ELL: variants seen among roughly 807,000 people sequenced by gnomAD.
The protein encoded by ELL is RNA polymerase II elongation factor ELL.
In ELL, 18 loss-of-function variants were observed where a neutral mutation model predicts 64.0. That is an observed-to-expected ratio of 0.28 (90% CI 0.19 to 0.42). The LOEUF (loss-of-function observed/expected upper bound fraction) is 0.42. ELL is among the 10% of genes least tolerant of loss of function. The pLI is 1.00. For missense variants in ELL, 797 were observed against 870.4 expected, an observed-to-expected ratio of 0.92 and a Z score of 1.06; for synonymous variants, 399 against 376.2, an observed-to-expected ratio of 1.06 and a Z score of -0.70.
chr19:18,497,165 A>C (rs991328939), intron 1 of ELL, among the ~76,000 whole-genome samples: 3 of 152,258 alleles, frequency 2.0e-5, no homozygotes, highest in Non-Finnish European at 4.4e-5. Context: ...TGGATAAATA[A>C]ACCATGTCAC....
chr19:18,513,725 A>T (rs902445860), intron 1 of ELL, among the ~76,000 whole-genome samples: 1 of 152,054 alleles, frequency 6.6e-6, no homozygotes, highest in Non-Finnish European at 1.5e-5. Flanking sequence ...AGGTCAGGAG[A>T]TGGAGACCAT....
In ELL at chr19:18,519,105, G is replaced by A. The variant is rs57233808; in HGVS notation, c.135+2816C>T. On this transcript the variant is annotated intron_variant, in intron 1 of 11. Transcript: ENST00000262809. ...AGGCCGGGCACGGTTGGTCACGCCTGTAATCCCAGCACTTTGGGAGGCCGA... is the reference window on the plus strand; with the variant it reads ...AGGCCGGGCACGGTTGGTCACGCCTATAATCCCAGCACTTTGGGAGGCCGA... 2.6e-5 allele frequency among the ~76,000 whole-genome samples: 4 copies of A among 151,696 alleles called. No homozygotes were observed. The East Asian group carries it at 7.8e-4, about 30-fold the overall frequency.
At position 18,451,535 on chromosome 19, in the gene ELL, A is replaced by C. The variant is rs62122441; in HGVS notation, c.966+17T>G. The C allele has an allele frequency of 0.069, 101,602 of 1,472,582 alleles. 3,942 individuals carry two copies. Among genetic ancestry groups the C allele is most frequent in the Middle Eastern group, 0.13 (688 of 5,318 alleles). The allele number at this position is 1,472,582 out of a possible 1,614,324, so 91.2% of individuals were successfully genotyped here. Reference sequence around the variant, plus strand: ...TGCAGGTGCTTGGGACAGTCACCCCAGGCATGCCTCACTTACCTGTGGGGG... The same window carrying C: ...TGCAGGTGCTTGGGACAGTCACCCCCGGCATGCCTCACTTACCTGTGGGGG... On this transcript the variant is annotated intron_variant, in intron 7 of 11. Transcript: ENST00000262809.
intron 1 of ELL, among the ~76,000 whole-genome samples, 195 bp downstream of exon 1, chr19:18,521,726 C>A (rs904085485): frequency 6.6e-6 from 1 of 152,100 alleles, no homozygotes. Context: ...GTATTGCCTC[C>A]TAGTGCTGAG....
At chr19:18,499,066 A>G (rs1480822068) in intron 1 of ELL, among the ~76,000 whole-genome samples, 2 of 152,170 alleles carry the variant, frequency 1.3e-5, no homozygotes, top group Non-Finnish European at 2.9e-5. Context: ...CCAGGATGCC[A>G]GGAGGGAAGC....
intron 1 of ELL, among the ~76,000 whole-genome samples, chr19:18,514,903 G>C (rs529303515): frequency 6.6e-6 from 1 of 152,234 alleles, no homozygotes; most frequent in Non-Finnish European, 1.5e-5. Context: ...CAGCTGCTTC[G>C]AGCCCAGGGC....
chr19:18,470,362 G>A (rs1190260711), intron 2 of ELL, among the ~76,000 whole-genome samples: 1 of 152,242 alleles, frequency 6.6e-6, no homozygotes. Context: ...TGCTCAGGTT[G>A]GGGTAGAGGG....
intron 1 of ELL, among the ~76,000 whole-genome samples, chr19:18,509,593 G>GCGCGCGCGCA (rs1438642062): frequency 3.6e-5 from 3 of 83,238 alleles, no homozygotes; most frequent in Non-Finnish European, 5.8e-5. Context: ...GCGCGCGCGC[G>GCGCGCGCGCA]CACATACACA....
chr19:18,519,774 T>A (rs1324404963), intron 1 of ELL, among the ~76,000 whole-genome samples: 2 of 134,004 alleles, frequency 1.5e-5, no homozygotes, highest in Non-Finnish European at 3.0e-5. Flanking sequence ...GCCACCTCAA[T>A]GAAGCCTGGG....
chr19:18,465,269 G>A (rs970764649), intron 4 of ELL, 143 bp downstream of exon 4: 22 of 1,215,396 alleles, frequency 1.8e-5, no homozygotes, highest in East Asian at 5.5e-5. Flanking sequence ...GTCCAGGCAC[G>A]TCCTGCTCAG....
chr19:18,457,889 G>C (rs1291202236), intron 6 of ELL, among the ~76,000 whole-genome samples: 5 of 152,226 alleles, frequency 3.3e-5, no homozygotes, highest in African/African-American at 1.2e-4. Flanking sequence ...GTGGAGGGAA[G>C]CATGAAGGGA....
At chr19:18,493,073 C>G (rs973222481) in intron 1 of ELL, among the ~76,000 whole-genome samples, 3 of 152,062 alleles carry the variant, frequency 2.0e-5, no homozygotes, top group African/African-American at 7.2e-5. Context: ...CAGTGACAAG[C>G]AGAGGGAAGA....
intron 6 of ELL, among the ~76,000 whole-genome samples, chr19:18,454,365 G>A (rs1974608246): frequency 6.6e-6 from 1 of 152,172 alleles, no homozygotes; most frequent in Non-Finnish European, 1.5e-5. Flanking sequence ...CGGGCATGGT[G>A]GCGGGCGCCT....
At chr19:18,471,381 A>T (rs184707618) in intron 2 of ELL, 1 of 449,788 alleles carries the variant, frequency 2.2e-6, no homozygotes, top group East Asian at 7.2e-5. Context: ...CTTAAAAAAC[A>T]AAACAAGGCT....
intron 1 of ELL, among the ~76,000 whole-genome samples, chr19:18,494,714 A>T (rs1975610940): frequency 1.3e-5 from 2 of 151,202 alleles, no homozygotes; most frequent in Admixed American, 1.3e-4. Flanking sequence ...TCTGATTCCC[A>T]CTCTCTGCCC....
intron 1 of ELL, among the ~76,000 whole-genome samples, chr19:18,500,817 G>A (rs1000225932): frequency 1.3e-5 from 2 of 152,270 alleles, no homozygotes; most frequent in South Asian, 2.1e-4. Flanking sequence ...TTTTTAATAC[G>A]TCACTGAGGT....
At chr19:18,486,262 G>C (rs1038462732) in intron 1 of ELL, among the ~76,000 whole-genome samples, 1 of 152,196 alleles carries the variant, frequency 6.6e-6, no homozygotes, top group Non-Finnish European at 1.5e-5. Context: ...TCAGTGTCAG[G>C]CACTGGCTCA....
intron 1 of ELL, among the ~76,000 whole-genome samples, chr19:18,484,864 C>T (rs1197960455): frequency 2.0e-5 from 3 of 152,216 alleles, no homozygotes; most frequent in Non-Finnish European, 4.4e-5. Context: ...CCAAACCTGC[C>T]TTCTGCCCAT....
At chr19:18,500,490 G>C (rs1975758844) in intron 1 of ELL, among the ~76,000 whole-genome samples, 1 of 152,216 alleles carries the variant, frequency 6.6e-6, no homozygotes, top group African/African-American at 2.4e-5. Context: ...ACAGAATCCA[G>C]TTTTCTCCAG....
Sources: allele counts gnomAD v4.1 joint callset (sites outside exome capture counted in the v4.1 genomes callset), GRCh38; gene constraint gnomAD v4.1.1; transcripts MANE v1.5; gene names NCBI Gene and HGNC (gene_info 2026-07-23, HGNC 2026-07-21).